TEK: variants seen among roughly 807,000 people sequenced by gnomAD.
TEK encodes angiopoietin-1 receptor.
Under a neutral mutation model 131.8 loss-of-function variants are expected in TEK, and 43 were observed. That is an observed-to-expected ratio of 0.33 (90% CI 0.26 to 0.42). The LOEUF (loss-of-function observed/expected upper bound fraction) is 0.42. TEK is among the 10% of genes least tolerant of loss of function. The probability of loss-of-function intolerance (pLI) is 1.00; values close to 1 mark genes in which losing one functional copy is unlikely to be tolerated. For missense variants in TEK, 1,162 were observed against 1,384.4 expected (o/e 0.84, Z 2.55); for synonymous variants, 580 against 491.6 (o/e 1.18, Z -2.38).
At chr9:27,201,585 A>C (rs558551106) in intron 12 of TEK, among the ~76,000 whole-genome samples, 1 of 152,320 alleles carries the variant, frequency 6.6e-6, no homozygotes, top group East Asian at 1.9e-4. Flanking sequence ...CATCTGCTAG[A>C]CATAGAACAT....
intron 1 of TEK, among the ~76,000 whole-genome samples, chr9:27,133,687 A>G (rs1201506020): frequency 6.6e-6 from 1 of 152,090 alleles, no homozygotes; most frequent in African/African-American, 2.4e-5. Flanking sequence ...TCCAAAGGAG[A>G]TGCCTGTGGG....
At chr9:27,121,744 T>G (rs79600869) in intron 1 of TEK, among the ~76,000 whole-genome samples, 2,864 of 152,220 alleles carry the variant, frequency 0.019, 84 homozygotes, top group African/African-American at 0.065. Context: ...ATATGTAGAC[T>G]CAGTAAGAAT....
At chr9:27,158,357 C>A (rs1823419492) in intron 2 of TEK, among the ~76,000 whole-genome samples, 1 of 151,756 alleles carries the variant, frequency 6.6e-6, no homozygotes, top group Non-Finnish European at 1.5e-5. Context: ...AGATACTGTG[C>A]CTACTTTGTG....
intron 11 of TEK, among the ~76,000 whole-genome samples, chr9:27,196,379 T>C (rs1825010394): frequency 6.6e-6 from 1 of 152,178 alleles, no homozygotes; most frequent in Non-Finnish European, 1.5e-5. Flanking sequence ...ATCATTTTGG[T>C]AGGGAAAAAA....
chr9:27,129,002 C>G (rs1822106639), intron 1 of TEK, among the ~76,000 whole-genome samples: 1 of 152,166 alleles, frequency 6.6e-6, no homozygotes, highest in Non-Finnish European at 1.5e-5. Context: ...GCCAGAACTT[C>G]CAATCCTATG....
intron 12 of TEK, 47 bp from the exon 13 acceptor site, chr9:27,202,773 C>A: frequency 6.3e-7 from 1 of 1,575,746 alleles, no homozygotes; most frequent in Non-Finnish European, 8.7e-7. Context: ...ATGATCTAGG[C>A]CATGGTAGTA....
At chr9:27,175,511 G>T (rs986499174) in intron 6 of TEK, among the ~76,000 whole-genome samples, 6 of 152,084 alleles carry the variant, frequency 3.9e-5, no homozygotes, top group African/African-American at 1.4e-4. Context: ...CCAGTAATGG[G>T]GTGGCTGGGT....
chr9:27,132,820 C>T (rs1205654832), intron 1 of TEK, among the ~76,000 whole-genome samples: 1 of 151,944 alleles, frequency 6.6e-6, no homozygotes, highest in Non-Finnish European at 1.5e-5. Flanking sequence ...TTTAATGATA[C>T]AAGAAATCTA....
At chr9:27,170,783 G>T (rs933882102) in intron 4 of TEK, among the ~76,000 whole-genome samples, 1 of 152,040 alleles carries the variant, frequency 6.6e-6, no homozygotes, top group Non-Finnish European at 1.5e-5. Context: ...GAATTTCCAG[G>T]ATAAATAATC....
intron 1 of TEK, among the ~76,000 whole-genome samples, chr9:27,119,267 C>T (rs1422039012): frequency 6.6e-6 from 1 of 152,024 alleles, no homozygotes; most frequent in African/African-American, 2.4e-5. Flanking sequence ...CAGGTTAGTT[C>T]CTAGAAAATG....
chr9:27,229,110 G>C (rs768610962), intron 22 of TEK, 48 bp from the exon 23 acceptor site: 2 of 1,568,700 alleles, frequency 1.3e-6, no homozygotes, highest in African/African-American at 2.7e-5. Context: ...CGCTGGCAGA[G>C]GTGGAATCAA....
chr9:27,171,018 A>C (rs1301921568), intron 4 of TEK, among the ~76,000 whole-genome samples: 1 of 152,136 alleles, frequency 6.6e-6, no homozygotes, highest in Non-Finnish European at 1.5e-5. Context: ...CTGCTTAAAC[A>C]TTGCCTCCTG....
chr9:27,116,390 G>A (rs1387709607), intron 1 of TEK, among the ~76,000 whole-genome samples: 1 of 152,016 alleles, frequency 6.6e-6, no homozygotes, highest in Non-Finnish European at 1.5e-5. Context: ...CCCGGTTCAA[G>A]TGATTCTCCC....
chr9:27,130,111 A>C (rs1438274388), intron 1 of TEK, among the ~76,000 whole-genome samples: 3 of 152,212 alleles, frequency 2.0e-5, no homozygotes, highest in Non-Finnish European at 4.4e-5. Flanking sequence ...AAAAATTCTG[A>C]AAAAGAAAAG....
intron 1 of TEK, among the ~76,000 whole-genome samples, chr9:27,118,805 C>T (rs1821669353): frequency 6.6e-6 from 1 of 152,130 alleles, no homozygotes; most frequent in African/African-American, 2.4e-5. Context: ...ACAGAAGATG[C>T]ACAACCCAAC....
At chr9:27,158,431 T>G (rs878933966) in intron 2 of TEK, among the ~76,000 whole-genome samples, 9 of 152,184 alleles carry the variant, frequency 5.9e-5, no homozygotes, top group Admixed American at 5.9e-4. Context: ...CTGTTACATG[T>G]ATGTAATATG....
chr9:27,217,883 CA>C, intron 19 of TEK, 125 bp downstream of exon 19: 1 of 852,518 alleles, frequency 1.2e-6, no homozygotes, highest in Admixed American at 2.0e-5. Flanking sequence ...CTAAAAAGCT[CA>C]GGAAATAAAT....
chr9:27,168,631 C>T (rs199998204), intron 3 of TEK, 26 bp downstream of exon 3: 12 of 1,468,426 alleles, frequency 8.2e-6, no homozygotes, highest in Non-Finnish European at 1.1e-5. Context: ...ATTGCTTTCC[C>T]CAGTATGATG....
intron 6 of TEK, among the ~76,000 whole-genome samples, chr9:27,174,263 A>C (rs1824080114): frequency 6.6e-6 from 1 of 152,198 alleles, no homozygotes; most frequent in South Asian, 2.1e-4. Flanking sequence ...TGTTTATCTC[A>C]CAAAGTCAGC....
Sources: allele counts gnomAD v4.1 joint callset (sites outside exome capture counted in the v4.1 genomes callset), GRCh38; gene constraint gnomAD v4.1.1; transcripts MANE v1.5; gene names NCBI Gene and HGNC (gene_info 2026-07-23, HGNC 2026-07-21).